DCDC2C: variants seen among roughly 807,000 people sequenced by gnomAD.
The protein encoded by DCDC2C is doublecortin domain-containing protein 2C.
DCDC2C carries 44 observed loss-of-function variants against 45.0 expected under a neutral mutation model. That is an observed-to-expected ratio of 0.98 (90% CI 0.77 to 1.26). DCDC2C has a LOEUF of 1.26. DCDC2C is among the 50% of genes most tolerant of loss of function. DCDC2C has a pLI of 0.00. For missense variants in DCDC2C, 447 were observed against 468.9 expected (o/e 0.95, Z 0.43); for synonymous variants, 187 against 178.8 (o/e 1.05, Z -0.37).
intron 10 of DCDC2C, among the ~76,000 whole-genome samples, chr2:3,799,977 C>A (rs984248712): frequency 6.6e-6 from 1 of 152,218 alleles, no homozygotes; most frequent in African/African-American, 2.4e-5. Flanking sequence ...CTCGCTGCTG[C>A]CTTGCAGTTT....
intron 10 of DCDC2C, among the ~76,000 whole-genome samples, chr2:3,821,033 G>C (rs1013646787): frequency 7.9e-5 from 12 of 152,118 alleles, no homozygotes; most frequent in African/African-American, 1.9e-4. Flanking sequence ...TTGCAGGCGG[G>C]CTGAGTCCAA....
chr2:3,790,890 C>T (rs529739259), intron 10 of DCDC2C, among the ~76,000 whole-genome samples: 59 of 152,182 alleles, frequency 3.9e-4, no homozygotes, highest in South Asian at 2.3e-3. Context: ...GGACAGATCA[C>T]GAGGTCAGGA....
intron 3 of DCDC2C, among the ~76,000 whole-genome samples, chr2:3,730,747 C>T (rs898118554): frequency 1.3e-5 from 2 of 152,232 alleles, no homozygotes; most frequent in Non-Finnish European, 2.9e-5. Flanking sequence ...TGACTGCCCT[C>T]AGCAGTCCTT....
At chr2:3,755,297 G>T (rs560672265) in intron 6 of DCDC2C, among the ~76,000 whole-genome samples, 1 of 150,248 alleles carries the variant, frequency 6.7e-6, no homozygotes. Flanking sequence ...GGATGCATGT[G>T]TGTGCATATG....
At chr2:3,727,703 G>A (rs1490632158) in intron 3 of DCDC2C, among the ~76,000 whole-genome samples, 1 of 152,212 alleles carries the variant, frequency 6.6e-6, no homozygotes, top group African/African-American at 2.4e-5. Flanking sequence ...TTTTGGGGTT[G>A]GGAAAAGACA....
chr2:3,799,836 G>C (rs1275339220), intron 10 of DCDC2C, among the ~76,000 whole-genome samples: 1 of 152,288 alleles, frequency 6.6e-6, no homozygotes, highest in Non-Finnish European at 1.5e-5. Flanking sequence ...TCTGTGCCCT[G>C]TCCCCAGAGG....
intron 10 of DCDC2C, among the ~76,000 whole-genome samples, chr2:3,829,620 A>G (rs1366253110): frequency 6.6e-6 from 1 of 152,212 alleles, no homozygotes; most frequent in East Asian, 1.9e-4. Context: ...TGCTCCAAGC[A>G]AAATTAATCA....
Position 3,703,618 on chromosome 2 carries a change from C to A in DCDC2C, c.-134C>A, listed in dbSNP as rs954053112. The A allele has an allele frequency of 1.0e-5, 9 of 882,288 alleles. No individual in the cohort carries two copies. In the African/African-American group the frequency reaches 1.3e-4, roughly 13 times the overall value. 54.7% of individuals were successfully genotyped at this position (882,288 alleles called of 1,614,324 possible). A position where few individuals can be genotyped will look rare whatever the true frequency, so the allele number is the denominator to read the frequency against. ...TCCAGCCCCCGTCCCGTCCCCGTCC[C>A]GTCCCCGTCCTGCGCCAGCGGCTGG... On this transcript the variant is annotated 5_prime_UTR_variant, in exon 1 of 11. Transcript: ENST00000399143. This position sits in a 1 kb window ranked among gnomAD's most constrained non-coding sequence, Gnocchi z 4.4.
chr2:3,739,968 G>C, intron 3 of DCDC2C, among the ~76,000 whole-genome samples: 1 of 152,106 alleles, frequency 6.6e-6, no homozygotes, highest in South Asian at 2.1e-4. Context: ...TGAGCAGTGG[G>C]GCACTGAAGA....
intron 10 of DCDC2C, among the ~76,000 whole-genome samples, chr2:3,802,827 C>T (rs1158031270): frequency 1.3e-5 from 2 of 152,170 alleles, no homozygotes; most frequent in Non-Finnish European, 2.9e-5. Context: ...AGTCTTCATT[C>T]CTTAACTCTC....
intron 4 of DCDC2C, among the ~76,000 whole-genome samples, chr2:3,744,116 G>A (rs1335143871): frequency 1.3e-5 from 2 of 152,208 alleles, no homozygotes. Context: ...TGAGAGCCCT[G>A]CTGGACTGCA....
At chr2:3,717,984 T>C (rs1322434598) in intron 2 of DCDC2C, among the ~76,000 whole-genome samples, 1 of 152,228 alleles carries the variant, frequency 6.6e-6, no homozygotes, top group Non-Finnish European at 1.5e-5. Context: ...TCTCCCATGC[T>C]TCCATGGCAC....
At position 3,752,885 on chromosome 2, in the gene DCDC2C, C is replaced by T; in HGVS notation, c.668C>T (p.Pro223Leu). 18 of 1,550,412 alleles carry T rather than the reference C, an allele frequency of 1.2e-5. No homozygotes were observed. Among genetic ancestry groups the T allele is most frequent in the Non-Finnish European group, 1.6e-5 (18 of 1,146,928 alleles). The change falls in exon 5 of 11, where the codon CCC becomes CTC. Residue 223 changes from proline (P) to leucine (L), a missense_variant. Transcript: ENST00000399143. Reference sequence around the variant, plus strand: ...CCTTACTGGAAGTCTCCAAGGGTGCCCAGTGAGGTCCAACAGTGAGCATGC... The same window carrying T: ...CCTTACTGGAAGTCTCCAAGGGTGCTCAGTGAGGTCCAACAGTGAGCATGC... ...YFPYWKSPRV[P>L]SEVQQRYANV...
chr2:3,838,859 A>G (rs187220897), intron 10 of DCDC2C, among the ~76,000 whole-genome samples: 117 of 152,352 alleles, frequency 7.7e-4, no homozygotes, highest in African/African-American at 2.4e-3. Context: ...ATTAGAACTA[A>G]GTTCTTATTC....
At chr2:3,776,484 C>T (rs1049278083) in intron 8 of DCDC2C, among the ~76,000 whole-genome samples, 2 of 152,232 alleles carry the variant, frequency 1.3e-5, no homozygotes, top group African/African-American at 4.8e-5. Flanking sequence ...ACCCATGGCG[C>T]TCCCGGCCAC....
chr2:3,813,054 TATATATA>T (rs1282931505), intron 10 of DCDC2C, among the ~76,000 whole-genome samples: 11 of 97,310 alleles, frequency 1.1e-4, no homozygotes, highest in Non-Finnish European at 1.5e-4. Context: ...TATATATATA[TATATATA>T]TATATATTTT....
chr2:3,719,108 T>C (rs918697305), intron 2 of DCDC2C, among the ~76,000 whole-genome samples: 1 of 151,622 alleles, frequency 6.6e-6, no homozygotes, highest in Non-Finnish European at 1.5e-5. Context: ...TTTTTTGGGA[T>C]GGAGTCTCGC....
chr2:3,830,635 G>A (rs866254767), intron 10 of DCDC2C, among the ~76,000 whole-genome samples: 11 of 152,114 alleles, frequency 7.2e-5, no homozygotes, highest in Admixed American at 2.6e-4. Flanking sequence ...CCCCGTAGTC[G>A]CGACCCCACT....
At chr2:3,807,953 A>G (rs1671295710) in intron 10 of DCDC2C, among the ~76,000 whole-genome samples, 1 of 152,142 alleles carries the variant, frequency 6.6e-6, no homozygotes, top group African/African-American at 2.4e-5. Flanking sequence ...TAGTTTATTC[A>G]TTCCCCATTG....
Sources: allele counts gnomAD v4.1 joint callset (sites outside exome capture counted in the v4.1 genomes callset), GRCh38; gene constraint gnomAD v4.1.1; non-coding constraint Gnocchi (gnomAD v3.1); transcripts MANE v1.5; gene names NCBI Gene and HGNC (gene_info 2026-07-23, HGNC 2026-07-21).